Variants in PPP2R2B observed in about 807,000 individuals in gnomAD.
The protein encoded by PPP2R2B is protein phosphatase 2 regulatory subunit Bbeta, also known as serine/threonine-protein phosphatase 2A 55 kDa regulatory subunit B beta isoform.
A neutral mutation model predicts 46.0 loss-of-function variants in PPP2R2B; 5 were observed. The observed-to-expected ratio is 0.11, with a 90% confidence interval of 0.06 to 0.23. The LOEUF (loss-of-function observed/expected upper bound fraction) is 0.23. Among genes scored for constraint, PPP2R2B ranks in the 10% least tolerant of loss-of-function variants. The pLI is 1.00. For synonymous variants in PPP2R2B, 215 were observed against 206.7 expected (o/e 1.04, Z -0.34); for missense variants, 367 against 575.0 (o/e 0.64, Z 3.70).
chr5:146,690,000 A>C (rs915258455), intron 5 of PPP2R2B, among the ~76,000 whole-genome samples: 2 of 152,222 alleles, frequency 1.3e-5, no homozygotes, highest in Non-Finnish European at 2.9e-5. Flanking sequence ...TGTATCAATA[A>C]ATGAATTATT....
chr5:146,731,519 G>T (rs776771221), intron 2 of PPP2R2B, among the ~76,000 whole-genome samples: 1 of 152,068 alleles, frequency 6.6e-6, no homozygotes, highest in South Asian at 2.1e-4. Flanking sequence ...TTCATTTTCC[G>T]TGGCTTCCCG....
At chr5:146,616,258 C>T (rs896589282) in intron 7 of PPP2R2B, among the ~76,000 whole-genome samples, 1 of 152,142 alleles carries the variant, frequency 6.6e-6, no homozygotes, top group Non-Finnish European at 1.5e-5. Context: ...AGACTTAAAT[C>T]TAAGACCTTA....
intron 1 of PPP2R2B, among the ~76,000 whole-genome samples, chr5:146,904,860 A>G (rs1329792128): frequency 2.6e-5 from 4 of 152,182 alleles, no homozygotes; most frequent in Non-Finnish European, 5.9e-5. Flanking sequence ...AGATACAAAA[A>G]AGTCACACCC....
chr5:146,963,461 T>G (rs1582507374), intron 1 of PPP2R2B, among the ~76,000 whole-genome samples: 1 of 152,312 alleles, frequency 6.6e-6, no homozygotes, highest in African/African-American at 2.4e-5. Context: ...CTACCTGAAC[T>G]TCCAGGTTAG....
intron 2 of PPP2R2B, among the ~76,000 whole-genome samples, chr5:146,726,736 C>G (rs1280841743): frequency 6.6e-6 from 1 of 152,148 alleles, no homozygotes; most frequent in Admixed American, 6.5e-5. Flanking sequence ...GGGATCTGAT[C>G]TGAGAAATCT....
intron 2 of PPP2R2B, among the ~76,000 whole-genome samples, chr5:146,828,795 T>G (rs1229282242): frequency 2.0e-5 from 3 of 152,222 alleles, no homozygotes; most frequent in African/African-American, 7.2e-5. Context: ...ACATTTGATT[T>G]ATCACTGTTT....
chr5:146,984,557 C>T (rs1753334655), intron 1 of PPP2R2B, among the ~76,000 whole-genome samples: 1 of 152,196 alleles, frequency 6.6e-6, no homozygotes, highest in Admixed American at 6.5e-5. Flanking sequence ...GGACTGCAGA[C>T]ATCTCTTTGA....
At chr5:146,615,858 A>G (rs1224617525) in intron 7 of PPP2R2B, among the ~76,000 whole-genome samples, 3 of 152,204 alleles carry the variant, frequency 2.0e-5, no homozygotes, top group Non-Finnish European at 2.9e-5. Context: ...CTATCAAAAT[A>G]CCAATGACTT....
intron 2 of PPP2R2B, among the ~76,000 whole-genome samples, chr5:147,065,232 A>C (rs1757384248): frequency 6.6e-6 from 1 of 152,186 alleles, no homozygotes; most frequent in Admixed American, 6.5e-5. Context: ...CAAAGCTCAG[A>C]GTTCAGGGTT....
At chr5:146,692,527 A>T (rs1404711515) in intron 4 of PPP2R2B, among the ~76,000 whole-genome samples, 3 of 111,064 alleles carry the variant, frequency 2.7e-5, no homozygotes, top group African/African-American at 1.1e-4. Flanking sequence ...TTTTAATTCA[A>T]TTTTTTTTTT....
intron 2 of PPP2R2B, among the ~76,000 whole-genome samples, chr5:146,817,029 T>C (rs1686758877): frequency 6.6e-6 from 1 of 152,216 alleles, no homozygotes; most frequent in African/African-American, 2.4e-5. Flanking sequence ...TGGAGGCTTG[T>C]TGTGATGAGC....
intron 2 of PPP2R2B, among the ~76,000 whole-genome samples, chr5:146,806,250 T>C (rs1323782842): frequency 6.6e-6 from 1 of 152,100 alleles, no homozygotes; most frequent in Non-Finnish European, 1.5e-5. Flanking sequence ...AGTTTCAATC[T>C]CTCCCACCAA....
intron 2 of PPP2R2B, chr5:146,707,610 GA>G: frequency 1.5e-6 from 1 of 647,048 alleles, no homozygotes. Context: ...GTGGAGGCAG[GA>G]GTGGAGGCAG....
At chr5:146,623,185 A>G (rs150824089) in intron 7 of PPP2R2B, among the ~76,000 whole-genome samples, 424 of 152,380 alleles carry the variant, frequency 2.8e-3, no homozygotes, top group African/African-American at 8.8e-3. Flanking sequence ...AAGATTCTCA[A>G]TAAACAGAAA....
chr5:146,647,291 T>C (rs1775646390), intron 6 of PPP2R2B, among the ~76,000 whole-genome samples: 1 of 43,104 alleles, frequency 2.3e-5, no homozygotes, highest in Non-Finnish European at 5.8e-5. Flanking sequence ...CCCAAATTAT[T>C]CTATCCTGAA....
At chr5:146,932,048 C>G (rs1383686358) in intron 1 of PPP2R2B, among the ~76,000 whole-genome samples, 1 of 152,144 alleles carries the variant, frequency 6.6e-6, no homozygotes, top group Non-Finnish European at 1.5e-5. Flanking sequence ...GAATTTCAAA[C>G]TCTTTGAACC....
intron 2 of PPP2R2B, among the ~76,000 whole-genome samples, chr5:146,869,555 T>C (rs1386823291): frequency 6.6e-6 from 1 of 152,184 alleles, no homozygotes; most frequent in African/African-American, 2.4e-5. Context: ...TGTGTACTCA[T>C]TTATGCAAAC....
intron 1 of PPP2R2B, among the ~76,000 whole-genome samples, chr5:147,019,795 A>G (rs1254117111): frequency 1.3e-5 from 2 of 152,174 alleles, no homozygotes; most frequent in Admixed American, 6.5e-5. Flanking sequence ...CCATCACTTA[A>G]AGATGATTTA....
chr5:146,847,624 C>T (rs751887841), intron 2 of PPP2R2B, among the ~76,000 whole-genome samples: 10 of 152,148 alleles, frequency 6.6e-5, no homozygotes, highest in African/African-American at 7.2e-5. Context: ...CAAACCTAGG[C>T]GTGCACTAAG....
Sources: allele counts gnomAD v4.1 joint callset (sites outside exome capture counted in the v4.1 genomes callset), GRCh38; gene constraint gnomAD v4.1.1; transcripts MANE v1.5; gene names NCBI Gene and HGNC (gene_info 2026-07-23, HGNC 2026-07-21).